Variants in MAP3K7CL observed in about 807,000 individuals in gnomAD.
The protein encoded by MAP3K7CL is MAP3K7 C-terminal-like protein.
MAP3K7CL carries 16 observed loss-of-function variants against 18.6 expected under a neutral mutation model. The ratio of observed to expected loss-of-function variants is 0.86; its 90% CI spans 0.58 to 1.31. The LOEUF is 1.31. Ranked by LOEUF, MAP3K7CL falls within the 50% of genes most tolerant of loss-of-function variation. The pLI is 0.00. For missense variants in MAP3K7CL, 163 were observed against 174.4 expected (o/e 0.93, Z 0.37); for synonymous variants, 65 against 66.8 (o/e 0.97, Z 0.13).
intron 4 of MAP3K7CL, among the ~76,000 whole-genome samples, chr21:29,116,987 A>T (rs999296346): frequency 2.0e-5 from 3 of 152,174 alleles, no homozygotes; most frequent in African/African-American, 7.2e-5. Context: ...CAACTGGTGA[A>T]ATATCACTTT....
intron 4 of MAP3K7CL, among the ~76,000 whole-genome samples, chr21:29,123,236 A>G (rs1372396303): frequency 6.6e-6 from 1 of 151,808 alleles, no homozygotes; most frequent in African/African-American, 2.4e-5. Flanking sequence ...CTAATTTTGT[A>G]TATTTTTAAT....
At chr21:29,091,275 T>G (rs76218876) in intron 1 of MAP3K7CL, among the ~76,000 whole-genome samples, 2,180 of 152,314 alleles carry the variant, frequency 0.014, 73 homozygotes, top group African/African-American at 0.051. Flanking sequence ...TATCCACCAA[T>G]TTGAATCATG....
At chr21:29,136,943 T>G (rs749038457) in intron 2 of MAP3K7CL, among the ~76,000 whole-genome samples, 1 of 152,260 alleles carries the variant, frequency 6.6e-6, no homozygotes, top group Non-Finnish European at 1.5e-5. Flanking sequence ...CAGAGAGGCA[T>G]GATTTCTAGA....
At chr21:29,169,466 C>T (rs2087771141) in intron 4 of MAP3K7CL, among the ~76,000 whole-genome samples, 1 of 152,214 alleles carries the variant, frequency 6.6e-6, no homozygotes, top group Non-Finnish European at 1.5e-5. Flanking sequence ...AATGCTTTTA[C>T]TCAGACATAA....
chr21:29,095,228 G>A (rs573485272), intron 4 of MAP3K7CL, among the ~76,000 whole-genome samples: 1 of 152,108 alleles, frequency 6.6e-6, no homozygotes, highest in East Asian at 1.9e-4. Flanking sequence ...GCCTAGCCCA[G>A]GTGTCTCTAT....
intron 4 of MAP3K7CL, among the ~76,000 whole-genome samples, chr21:29,171,547 G>A (rs1394231339): frequency 6.6e-6 from 1 of 152,156 alleles, no homozygotes; most frequent in Non-Finnish European, 1.5e-5. Context: ...CGGGCGTGGT[G>A]GTTCACGCCT....
At chr21:29,125,427 C>T (rs2086665115) in intron 4 of MAP3K7CL, among the ~76,000 whole-genome samples, 2 of 152,136 alleles carry the variant, frequency 1.3e-5, no homozygotes, top group Admixed American at 6.6e-5. Flanking sequence ...GTGGTTCTAA[C>T]CCCTGTCATT....
At chr21:29,124,856 T>A (rs1336359741) in intron 4 of MAP3K7CL, among the ~76,000 whole-genome samples, 1 of 152,222 alleles carries the variant, frequency 6.6e-6, no homozygotes, top group Non-Finnish European at 1.5e-5. Flanking sequence ...ATTTGCATAT[T>A]GTCTATGACT....
intron 2 of MAP3K7CL, among the ~76,000 whole-genome samples, chr21:29,142,999 A>C (rs781660927): frequency 1.2e-4 from 19 of 152,278 alleles, no homozygotes; most frequent in South Asian, 8.3e-4. Context: ...GAGCCTCAAC[A>C]CTTAAGCCAC....
chr21:29,171,392 G>A (rs1430145512), intron 4 of MAP3K7CL, among the ~76,000 whole-genome samples: 5 of 152,206 alleles, frequency 3.3e-5, no homozygotes, highest in Non-Finnish European at 7.3e-5. Context: ...ACCAAAGTGG[G>A]TATCCAAGGC....
rs1361907792 is a variant in MAP3K7CL at position 29,100,926 on chromosome 21, A to G, written c.370+8345A>G. ...ACAGGGTTTCACCGGGTTAGCCAGG[A>G]TGGTGTCGATCTCCTGACCTCGTGA... On this transcript the variant is annotated intron_variant, in intron 4 of 6. Coordinates refer to the MAP3K7CL transcript ENST00000286791. Among the ~76,000 whole-genome samples, 24 of 151,376 alleles carry G rather than the reference A, an allele frequency of 1.6e-4. No homozygotes were observed. The East Asian group carries it at 4.7e-3, about 29-fold the overall frequency.
At chr21:29,102,715 A>G (rs1466726173) in intron 4 of MAP3K7CL, 1 of 152,028 alleles carries the variant, frequency 6.6e-6, no homozygotes, top group Non-Finnish European at 1.5e-5. Flanking sequence ...TGGATAAATG[A>G]CTCAATTCTA....
intron 4 of MAP3K7CL, among the ~76,000 whole-genome samples, chr21:29,163,635 C>T (rs2087608393): frequency 6.6e-6 from 1 of 151,996 alleles, no homozygotes; most frequent in South Asian, 2.1e-4. Context: ...GAGGTGGGTC[C>T]TCCAGTCACT....
chr21:29,091,821 C>T lies in MAP3K7CL; in HGVS notation c.227+60C>T, dbSNP rs2086034356. ...AATACATGATAGTAACTCCCATCTG[C>T]TGAGTGCTTCCTATGTACCAGGTAC... is the stretch of plus-strand genomic sequence containing the variant. On this transcript the variant is annotated intron_variant, in intron 3 of 6. Coordinates refer to the MAP3K7CL transcript ENST00000286791. 1.6e-5 allele frequency: 11 copies of T among 687,172 alleles called. No homozygotes were observed. In the East Asian group the frequency reaches 3.0e-4, roughly 19 times the overall value. The allele number at this position is 687,172 out of a possible 1,614,324, so 42.6% of individuals were successfully genotyped here.
At chr21:29,098,589 C>A (rs1415859797) in intron 4 of MAP3K7CL, among the ~76,000 whole-genome samples, 1 of 152,190 alleles carries the variant, frequency 6.6e-6, no homozygotes, top group Non-Finnish European at 1.5e-5. Context: ...CTTCTTTAAT[C>A]TTTACAATAA....
chr21:29,121,149 C>G (rs564431198), intron 4 of MAP3K7CL, among the ~76,000 whole-genome samples: 22 of 150,522 alleles, frequency 1.5e-4, no homozygotes, highest in African/African-American at 5.4e-4. Context: ...TTCAAGTACT[C>G]TACCCATTAT....
chr21:29,137,076 A>G (rs1182880654), intron 2 of MAP3K7CL, among the ~76,000 whole-genome samples: 1 of 152,266 alleles, frequency 6.6e-6, no homozygotes, highest in Non-Finnish European at 1.5e-5. Flanking sequence ...TAGGTAAAGT[A>G]TTTAGCAGAG....
chr21:29,090,449 C>G (rs1220774134), intron 1 of MAP3K7CL, among the ~76,000 whole-genome samples: 1 of 151,904 alleles, frequency 6.6e-6, no homozygotes, highest in Admixed American at 6.6e-5. Context: ...GGTGCAATCT[C>G]AGCTCACTGC....
intron 3 of MAP3K7CL, among the ~76,000 whole-genome samples, chr21:29,152,418 G>A (rs1464602984): frequency 2.0e-5 from 3 of 152,142 alleles, no homozygotes; most frequent in Non-Finnish European, 2.9e-5. Flanking sequence ...AGTCAGTCTC[G>A]TGTGCTTTCA....
Sources: allele counts gnomAD v4.1 joint callset (sites outside exome capture counted in the v4.1 genomes callset), GRCh38; gene constraint gnomAD v4.1.1; transcripts MANE v1.5; gene names NCBI Gene and HGNC (gene_info 2026-07-23, HGNC 2026-07-21).